MAGI2: variants seen among roughly 807,000 people sequenced by gnomAD.
The protein encoded by MAGI2 is membrane-associated guanylate kinase, WW and PDZ domain-containing protein 2.
In MAGI2, 35 loss-of-function variants were observed where a neutral mutation model predicts 133.3. That is an observed-to-expected ratio of 0.26 (90% CI 0.20 to 0.35). The LOEUF (loss-of-function observed/expected upper bound fraction) is 0.35, where lower values mean the gene tolerates loss of function less well. Ranked by LOEUF, MAGI2 falls within the 10% of genes least tolerant of loss-of-function variation. The pLI is 1.00. For synonymous variants in MAGI2, 729 were observed against 710.6 expected (o/e 1.03, Z -0.41); for missense variants, 1,636 against 1,863.4 (o/e 0.88, Z 2.25).
intron 1 of MAGI2, among the ~76,000 whole-genome samples, chr7:79,217,179 A>G (rs1261982697): frequency 6.6e-6 from 1 of 152,048 alleles, no homozygotes; most frequent in Admixed American, 6.6e-5. Context: ...GAGTAAACTC[A>G]GAATTACTCT....
At chr7:79,225,222 C>T (rs1011204867) in intron 1 of MAGI2, among the ~76,000 whole-genome samples, 1 of 152,122 alleles carries the variant, frequency 6.6e-6, no homozygotes, top group Non-Finnish European at 1.5e-5. Context: ...AGAACCCGTG[C>T]CTGACACTGC....
At chr7:78,607,513 AAG>A (rs1554496485) in intron 3 of MAGI2, among the ~76,000 whole-genome samples, 2 of 150,114 alleles carry the variant, frequency 1.3e-5, no homozygotes, top group African/African-American at 2.4e-5. Flanking sequence ...AAAAAAAAAA[AAG>A]AGAGTCTCTG....
At position 78,439,965 on chromosome 7, in the gene MAGI2, T is replaced by C. The variant is rs117404317; in HGVS notation, c.1045+49796A>G. Among the ~76,000 whole-genome samples, 58 of 151,860 alleles carry C rather than the reference T, an allele frequency of 3.8e-4. 1 individual carries two copies. In the East Asian group the frequency reaches 0.011, roughly 29 times the overall value. On this transcript the variant is annotated intron_variant, in intron 6 of 21. Coordinates refer to ENST00000354212, the MANE Select transcript of MAGI2 (RefSeq NM_012301.4). Reference sequence around the variant, plus strand: ...GCCACAAGAGAATATTTTGGCTATATTGGACTAAATAAATATTATTAATTT... The same window carrying C: ...GCCACAAGAGAATATTTTGGCTATACTGGACTAAATAAATATTATTAATTT...
intron 1 of MAGI2, among the ~76,000 whole-genome samples, chr7:79,219,948 C>T (rs1184114078): frequency 1.3e-5 from 2 of 151,922 alleles, no homozygotes; most frequent in Non-Finnish European, 2.9e-5. Flanking sequence ...AAATAATACA[C>T]ACGATTTTTT....
intron 5 of MAGI2, among the ~76,000 whole-genome samples, chr7:78,493,668 C>A (rs1793828315): frequency 6.6e-6 from 1 of 152,052 alleles, no homozygotes; most frequent in South Asian, 2.1e-4. Flanking sequence ...CATCCGGAAC[C>A]TCACACTTGG....
At chr7:78,656,566 G>C (rs969149917) in intron 2 of MAGI2, among the ~76,000 whole-genome samples, 1 of 152,106 alleles carries the variant, frequency 6.6e-6, no homozygotes, top group African/African-American at 2.4e-5. Context: ...TGGTCAAAGA[G>C]TACAAAGTTG....
In MAGI2 at chr7:78,113,318, G is replaced by A. The variant is rs184105203; in HGVS notation, c.3567+12376C>T. Among the ~76,000 whole-genome samples the A allele has an allele frequency of 3.1e-4, 47 of 152,228 alleles. No individual in the cohort carries two copies. In the East Asian group the frequency reaches 7.3e-3, roughly 24 times the overall value. On this transcript the variant is annotated intron_variant, in intron 20 of 21. Coordinates refer to ENST00000354212, the MANE Select transcript of MAGI2 (RefSeq NM_012301.4). ...GGAACCATCTTATCTAGCAGGCTGAGGGGAGGAAAATACAAGTTGATTTGT... is the reference window on the plus strand; with the variant it reads ...GGAACCATCTTATCTAGCAGGCTGAAGGGAGGAAAATACAAGTTGATTTGT...
intron 6 of MAGI2, among the ~76,000 whole-genome samples, chr7:78,386,959 G>A (rs1471893019): frequency 6.6e-6 from 1 of 152,112 alleles, no homozygotes; most frequent in Non-Finnish European, 1.5e-5. Context: ...ACCATTATTG[G>A]GTCAAGGTGT....
intron 16 of MAGI2, among the ~76,000 whole-genome samples, chr7:78,154,997 C>T (rs1403690757): frequency 2.0e-5 from 3 of 152,174 alleles, no homozygotes; most frequent in Non-Finnish European, 4.4e-5. Context: ...AGAATGAAAA[C>T]AGTTAGTCAA....
intron 2 of MAGI2, among the ~76,000 whole-genome samples, chr7:78,638,603 C>G (rs1331289898): frequency 6.6e-6 from 1 of 152,100 alleles, no homozygotes; most frequent in African/African-American, 2.4e-5. Context: ...GCTTTTGATC[C>G]ATTCTTACAA....
At chr7:78,579,448 T>C (rs1802614665) in intron 3 of MAGI2, among the ~76,000 whole-genome samples, 3 of 152,232 alleles carry the variant, frequency 2.0e-5, no homozygotes, top group South Asian at 4.1e-4. Context: ...AAAAGCAGGA[T>C]ATAGATTTAC....
chr7:78,850,017 T>C (rs1363168539), intron 2 of MAGI2, among the ~76,000 whole-genome samples: 1 of 152,100 alleles, frequency 6.6e-6, no homozygotes, highest in Non-Finnish European at 1.5e-5. Context: ...TAATAAATAG[T>C]TGCTGAATTT....
At chr7:78,122,366 A>C (rs977254040) in intron 20 of MAGI2, among the ~76,000 whole-genome samples, 1 of 152,182 alleles carries the variant, frequency 6.6e-6, no homozygotes, top group Non-Finnish European at 1.5e-5. Flanking sequence ...AATTTAGAAG[A>C]AGCTAATTTC....
chr7:78,382,360 AT>A (rs1250420597), intron 6 of MAGI2, among the ~76,000 whole-genome samples: 7 of 151,554 alleles, frequency 4.6e-5, no homozygotes, highest in Admixed American at 1.3e-4. Context: ...CAAAAAAAAA[AT>A]GTAAAATAAC....
At chr7:78,981,187 T>C (rs1804753651) in intron 2 of MAGI2, among the ~76,000 whole-genome samples, 1 of 151,440 alleles carries the variant, frequency 6.6e-6, no homozygotes, top group African/African-American at 2.4e-5. Context: ...ATTATTATTA[T>C]TACTAGACAC....
At chr7:78,059,775 A>ATTTT (rs141199304) in intron 21 of MAGI2, among the ~76,000 whole-genome samples, 10,335 of 89,270 alleles carry the variant, frequency 0.12, 406 homozygotes, top group East Asian at 0.16. Context: ...ATATATATAT[A>ATTTT]TATTTTTTTT....
intron 2 of MAGI2, among the ~76,000 whole-genome samples, chr7:78,630,981 C>T (rs1442458807): frequency 6.6e-6 from 1 of 152,030 alleles, no homozygotes; most frequent in Non-Finnish European, 1.5e-5. Flanking sequence ...TGCAGTTTCT[C>T]CTCTTCCCTA....
Position 78,521,555 on chromosome 7 carries a change from C to A in MAGI2, c.629G>T (p.Ser210Ile), listed in dbSNP as rs1796507127. 2 of 1,614,108 alleles carry A rather than the reference C, an allele frequency of 1.2e-6. No individual in the cohort carries two copies. Among genetic ancestry groups the A allele is most frequent in the Non-Finnish European group, 1.7e-6 (2 of 1,180,022 alleles). ...TDQILPGATPSAEGKRKRNKS... is the reference protein window; with the variant it reads ...TDQILPGATPIAEGKRKRNKS... ...ATTCCTCTTCCGTTTTCCTTCAGCA[C>A]TTGGAGTGGCTCCTGGAAGTATCTG... is the stretch of plus-strand genomic sequence containing the variant. Residue 210 changes from serine to isoleucine, a missense_variant, in exon 4 of 22, where the codon AGT becomes ATT. This residue lies in a region of MAGI2 where 165 missense variants were observed against 128.4 expected (regional missense o/e 1.28). Coordinates refer to ENST00000354212, the MANE Select transcript of MAGI2 (RefSeq NM_012301.4).
At chr7:79,157,984 A>G (rs1277333951) in intron 1 of MAGI2, among the ~76,000 whole-genome samples, 1 of 138,550 alleles carries the variant, frequency 7.2e-6, no homozygotes, top group Non-Finnish European at 1.5e-5. Flanking sequence ...GTGTATTTAA[A>G]AGACCTTTAT....
Sources: allele counts gnomAD v4.1 joint callset (sites outside exome capture counted in the v4.1 genomes callset), GRCh38; gene constraint gnomAD v4.1.1; regional missense constraint gnomAD v4.1.1; transcripts MANE v1.5; gene names NCBI Gene and HGNC (gene_info 2026-07-23, HGNC 2026-07-21).